Variants in SLC14A2 observed in about 807,000 individuals in gnomAD.
SLC14A2 encodes solute carrier family 14 member 2, also known as urea transporter 2.
A neutral mutation model predicts 104.6 loss-of-function variants in SLC14A2; 91 were observed. That is an observed-to-expected ratio of 0.87 (90% CI 0.73 to 1.04). The LOEUF is 1.04. Among genes scored for constraint, SLC14A2 ranks in the 50% least tolerant of loss-of-function variants. The pLI is 0.00. For synonymous variants in SLC14A2, 476 were observed against 466.4 expected (o/e 1.02, Z -0.27); for missense variants, 1,189 against 1,156.0 (o/e 1.03, Z -0.41).
intron 2 of SLC14A2, among the ~76,000 whole-genome samples, chr18:45,490,744 A>T (rs530719469): frequency 6.6e-6 from 1 of 152,234 alleles, no homozygotes; most frequent in African/African-American, 2.4e-5. Flanking sequence ...ATGTGTGTAT[A>T]TGGGATAGGG....
intron 1 of SLC14A2, among the ~76,000 whole-genome samples, chr18:45,216,643 G>A (rs1296266875): frequency 1.3e-5 from 2 of 152,148 alleles, no homozygotes; most frequent in African/African-American, 2.4e-5. Context: ...ACCGCTGCAT[G>A]CAATGCACAC....
chr18:45,664,216 T>C (rs2144623437), intron 11 of SLC14A2, among the ~76,000 whole-genome samples: 1 of 152,284 alleles, frequency 6.6e-6, no homozygotes, highest in South Asian at 2.1e-4. Flanking sequence ...TGGGTGGGCA[T>C]CAGGAGCTTC....
intron 1 of SLC14A2, among the ~76,000 whole-genome samples, chr18:45,289,160 A>G (rs927020223): frequency 4.6e-5 from 7 of 152,026 alleles, no homozygotes; most frequent in African/African-American, 1.4e-4. Context: ...GCTGCCCATC[A>G]TTTGCTTTAA....
chr18:45,601,255 C>G (rs1385401940), intron 2 of SLC14A2, among the ~76,000 whole-genome samples: 1 of 152,226 alleles, frequency 6.6e-6, no homozygotes, highest in Admixed American at 6.5e-5. Context: ...TGAGCTTTAT[C>G]CTAACTTACC....
chr18:45,230,568 C>T (rs12606193), intron 1 of SLC14A2, among the ~76,000 whole-genome samples: 25,560 of 152,126 alleles, frequency 0.17, 2,189 homozygotes, highest in Middle Eastern at 0.19. Context: ...AAAAAAATCC[C>T]CCCAACTCAA....
At chr18:45,256,184 C>T (rs759272027) in intron 1 of SLC14A2, among the ~76,000 whole-genome samples, 8 of 151,976 alleles carry the variant, frequency 5.3e-5, no homozygotes, top group East Asian at 1.9e-4. Flanking sequence ...AGATCTCAGA[C>T]GGTAGAGGAA....
chr18:45,309,570 C>T (rs1462212537), intron 1 of SLC14A2, among the ~76,000 whole-genome samples: 7 of 152,104 alleles, frequency 4.6e-5, no homozygotes, highest in Non-Finnish European at 1.0e-4. Context: ...TTTTACAGTC[C>T]GGTGGAAAGT....
At chr18:45,682,104 G>A (rs1189244264) in intron 19 of SLC14A2, among the ~76,000 whole-genome samples, 1 of 152,204 alleles carries the variant, frequency 6.6e-6, no homozygotes, top group Non-Finnish European at 1.5e-5. Flanking sequence ...AACTATTAGG[G>A]TTCCCAGTGG....
intron 19 of SLC14A2, among the ~76,000 whole-genome samples, chr18:45,680,238 TTG>T (rs1310157716): frequency 6.6e-6 from 1 of 152,228 alleles, no homozygotes; most frequent in Non-Finnish European, 1.5e-5. Flanking sequence ...TGTGCCTTCC[TTG>T]AACAAGTCAC....
chr18:45,299,532 GCTTA>G (rs35001529), intron 1 of SLC14A2, among the ~76,000 whole-genome samples: 97 of 152,306 alleles, frequency 6.4e-4, no homozygotes, highest in African/African-American at 1.5e-3. Context: ...CACAATCTCA[GCTTA>G]CTTCAACCTC....
intron 2 of SLC14A2, among the ~76,000 whole-genome samples, chr18:45,554,682 C>T (rs778984633): frequency 7.9e-5 from 12 of 152,010 alleles, no homozygotes; most frequent in Non-Finnish European, 1.2e-4. Flanking sequence ...TAAGGAGGGC[C>T]GCCCTTCTGC....
At chr18:45,650,463 C>G (rs915894183) in intron 10 of SLC14A2, among the ~76,000 whole-genome samples, 1 of 152,142 alleles carries the variant, frequency 6.6e-6, no homozygotes, top group Non-Finnish European at 1.5e-5. Context: ...CATTTGCCAA[C>G]TTTCATAAGC....
chr18:45,227,551 C>G (rs924401404), intron 1 of SLC14A2, among the ~76,000 whole-genome samples: 7 of 152,332 alleles, frequency 4.6e-5, no homozygotes, highest in Admixed American at 2.0e-4. Flanking sequence ...TTATTTGGGC[C>G]TTAATCCCAT....
chr18:45,585,474 A>G (rs2044552713), intron 2 of SLC14A2, among the ~76,000 whole-genome samples: 1 of 152,230 alleles, frequency 6.6e-6, no homozygotes, highest in Admixed American at 6.5e-5. Flanking sequence ...TGAATGAATG[A>G]ATAAATGGGA....
intron 1 of SLC14A2, among the ~76,000 whole-genome samples, chr18:45,317,280 G>T (rs112879433): frequency 4.5e-4 from 69 of 152,258 alleles, no homozygotes; most frequent in African/African-American, 1.6e-3. Context: ...GTGCACACAC[G>T]CACATTATAT....
intron 1 of SLC14A2, among the ~76,000 whole-genome samples, chr18:45,228,906 A>G (rs2084146780): frequency 6.6e-6 from 1 of 152,032 alleles, no homozygotes; most frequent in African/African-American, 2.4e-5. Flanking sequence ...CTCTCCTTTA[A>G]CATCTATACC....
At chr18:45,636,292 G>A (rs1223455501) in intron 5 of SLC14A2, among the ~76,000 whole-genome samples, 1 of 152,220 alleles carries the variant, frequency 6.6e-6, no homozygotes, top group African/African-American at 2.4e-5. Flanking sequence ...TGTCTAGGGT[G>A]GCTGGTGCCT....
chr18:45,305,827 A>G (rs2085014780), intron 1 of SLC14A2, among the ~76,000 whole-genome samples: 1 of 152,156 alleles, frequency 6.6e-6, no homozygotes, highest in African/African-American at 2.4e-5. Context: ...CTGCTTGGCT[A>G]TAATATTTTG....
chr18:45,346,328 GGTATTTTTA>G (rs2085447534), intron 1 of SLC14A2, among the ~76,000 whole-genome samples: 1 of 151,914 alleles, frequency 6.6e-6, no homozygotes, highest in Admixed American at 6.6e-5. Flanking sequence ...GCTAATTTTT[GGTATTTTTA>G]GTAGAGACAG....
Sources: allele counts gnomAD v4.1 joint callset (sites outside exome capture counted in the v4.1 genomes callset), GRCh38; gene constraint gnomAD v4.1.1; transcripts MANE v1.5; gene names NCBI Gene and HGNC (gene_info 2026-07-23, HGNC 2026-07-21).